The following KCNQ5 variants were observed in gnomAD, a reference collection of about 807,000 sequenced individuals.
KCNQ5 encodes potassium voltage-gated channel subfamily KQT member 5.
Under a neutral mutation model 98.2 loss-of-function variants are expected in KCNQ5, and 30 were observed. The observed-to-expected ratio is 0.31, with a 90% CI of 0.23 to 0.41. The LOEUF (loss-of-function observed/expected upper bound fraction) is 0.41, where lower values mean the gene tolerates loss of function less well. Ranked by LOEUF, KCNQ5 falls within the 10% of genes least tolerant of loss-of-function variation. The pLI, the probability that KCNQ5 is intolerant of heterozygous loss-of-function variation, is 1.00. For synonymous variants in KCNQ5, 458 were observed against 449.4 expected, an observed-to-expected ratio of 1.02 and a Z score of -0.24; for missense variants, 835 against 1,182.5, an observed-to-expected ratio of 0.71 and a Z score of 4.31.
intron 10 of KCNQ5, among the ~76,000 whole-genome samples, chr6:73,167,414 G>A (rs933543826): frequency 6.6e-6 from 1 of 152,164 alleles, no homozygotes; most frequent in African/African-American, 2.4e-5. Context: ...AAAGGGCATG[G>A]GCTTTGGAGC....
chr6:72,803,797 C>CAG (rs1177977452), intron 1 of KCNQ5, among the ~76,000 whole-genome samples: 1 of 152,058 alleles, frequency 6.6e-6, no homozygotes, highest in Non-Finnish European at 1.5e-5. Context: ...AGTGGCTTTT[C>CAG]AGATATTCCC....
intron 1 of KCNQ5, among the ~76,000 whole-genome samples, chr6:72,906,059 G>C (rs1265471929): frequency 6.6e-6 from 1 of 152,108 alleles, no homozygotes; most frequent in Non-Finnish European, 1.5e-5. Flanking sequence ...CTCTCCTTGG[G>C]CAGGTCTTAC....
chr6:73,164,211 G>A (rs1228006090), intron 10 of KCNQ5, among the ~76,000 whole-genome samples: 5 of 151,990 alleles, frequency 3.3e-5, no homozygotes, highest in South Asian at 2.1e-4. Flanking sequence ...AGAACCTACC[G>A]AAGACATTAA....
chr6:73,055,973 G>A (rs950724257), intron 3 of KCNQ5: 1 of 400,868 alleles, frequency 2.5e-6, no homozygotes, highest in African/African-American at 2.1e-5. Flanking sequence ...ATGGGGACCG[G>A]TGGCTCCCAT....
intron 1 of KCNQ5, among the ~76,000 whole-genome samples, chr6:72,913,944 G>T (rs951113320): frequency 1.3e-5 from 2 of 152,198 alleles, no homozygotes; most frequent in African/African-American, 4.8e-5. Context: ...TTAACAAGGC[G>T]TGTTTGTTCA....
At chr6:72,790,771 T>TA (rs1281057611) in intron 1 of KCNQ5, among the ~76,000 whole-genome samples, 1 of 152,072 alleles carries the variant, frequency 6.6e-6, no homozygotes, top group African/African-American at 2.4e-5. Context: ...TAGGGAAAAA[T>TA]AAAGTCATTT....
chr6:73,112,669 T>C (rs765286713), intron 7 of KCNQ5, among the ~76,000 whole-genome samples: 5 of 152,116 alleles, frequency 3.3e-5, no homozygotes, highest in Admixed American at 3.3e-4. Context: ...TTAATTTAGA[T>C]TGTAGGTTTG....
chr6:73,032,175 T>C lies in KCNQ5; in HGVS notation c.490-9761T>C, dbSNP rs531066708. 7.9e-5 allele frequency among the ~76,000 whole-genome samples: 12 copies of C among 152,328 alleles called. 1 individual carries two copies. In the South Asian group the frequency reaches 2.5e-3, roughly 32 times the overall value. Reference sequence around the variant, plus strand: ...GTCAGGATAGCTCTCTAAATAGAAATACTTGTTTGTTTTAAGGAATTTTAT... The same window carrying C: ...GTCAGGATAGCTCTCTAAATAGAAACACTTGTTTGTTTTAAGGAATTTTAT... On this transcript the variant is annotated intron_variant, in intron 2 of 13. Transcript: ENST00000370398.
At chr6:72,705,711 GA>G (rs1180789036) in intron 1 of KCNQ5, among the ~76,000 whole-genome samples, 2 of 151,778 alleles carry the variant, frequency 1.3e-5, no homozygotes, top group Non-Finnish European at 2.9e-5. Context: ...AGGTAGGAAA[GA>G]AAATTTCAAA....
chr6:72,738,045 C>A (rs1042274095), intron 1 of KCNQ5, among the ~76,000 whole-genome samples: 3 of 151,800 alleles, frequency 2.0e-5, no homozygotes, highest in Non-Finnish European at 4.4e-5. Context: ...GTTCCAACTA[C>A]TCAGGAGGCT....
chr6:73,031,141 G>C lies in KCNQ5; in HGVS notation c.490-10795G>C, dbSNP rs10498887. Among the ~76,000 whole-genome samples, 425 of 152,208 alleles carry C rather than the reference G, an allele frequency of 2.8e-3. 5 individuals carry two copies. The highest frequency in any genetic ancestry group is 1.0e-2 in the African/African-American group (415 of 41,514). ...CCCCACAGCTTGTCTTAAGAACAAC[G>C]GTGTAACCATTAGTGAAAAATCCTT... On this transcript the variant is annotated intron_variant, in intron 2 of 13. Coordinates refer to ENST00000370398, the MANE Select transcript of KCNQ5 (RefSeq NM_019842.4).
At chr6:72,692,845 A>G (rs1768279439) in intron 1 of KCNQ5, among the ~76,000 whole-genome samples, 1 of 152,142 alleles carries the variant, frequency 6.6e-6, no homozygotes, top group Non-Finnish European at 1.5e-5. Flanking sequence ...AGGATTTATG[A>G]GACTGGAAAA....
At chr6:72,692,320 G>A (rs938231067) in intron 1 of KCNQ5, among the ~76,000 whole-genome samples, 1 of 152,198 alleles carries the variant, frequency 6.6e-6, no homozygotes, top group Non-Finnish European at 1.5e-5. Flanking sequence ...AACATTCACT[G>A]AGTAAGTCAC....
In KCNQ5 at chr6:73,198,685, G is replaced by A. The variant is rs1204755742; in HGVS notation, c.*3271G>A. Reference sequence around the variant, plus strand: ...ATCTAATCTAATAATGTGCATTTAAGTAAGCAGTTCTAAGTCATGTATGAC... The same window carrying A: ...ATCTAATCTAATAATGTGCATTTAAATAAGCAGTTCTAAGTCATGTATGAC... On this transcript the variant is annotated 3_prime_UTR_variant, in exon 14 of 14. Coordinates refer to ENST00000370398, the MANE Select transcript of KCNQ5 (RefSeq NM_019842.4). 6.6e-6 allele frequency: 1 copy of A among 152,228 alleles called. No homozygotes were observed. Among genetic ancestry groups the A allele is most frequent in the African/African-American group, 2.4e-5 (1 of 41,446 alleles). 9.4% of individuals were successfully genotyped at this position (152,228 alleles called of 1,614,324 possible).
intron 1 of KCNQ5, among the ~76,000 whole-genome samples, chr6:72,871,566 G>T (rs539541178): frequency 6.6e-6 from 1 of 152,120 alleles, no homozygotes; most frequent in African/African-American, 2.4e-5. Context: ...ATAATAACTC[G>T]CTTGTAGTTG....
intron 2 of KCNQ5, among the ~76,000 whole-genome samples, chr6:73,013,460 A>G (rs1333469896): frequency 6.6e-6 from 1 of 152,146 alleles, no homozygotes; most frequent in African/African-American, 2.4e-5. Flanking sequence ...CATTCCAGGG[A>G]CAGTTAAAAG....
At chr6:73,013,399 C>T (rs1031096613) in intron 2 of KCNQ5, among the ~76,000 whole-genome samples, 2 of 152,080 alleles carry the variant, frequency 1.3e-5, no homozygotes, top group African/African-American at 4.8e-5. Context: ...CTGCCATCAC[C>T]CTGGTGATAA....
At chr6:72,995,299 T>C (rs1052123202) in intron 1 of KCNQ5, among the ~76,000 whole-genome samples, 6 of 145,522 alleles carry the variant, frequency 4.1e-5, no homozygotes, top group African/African-American at 1.6e-4. Context: ...ACCCAGGAGG[T>C]GGACTTTGCA....
intron 1 of KCNQ5, among the ~76,000 whole-genome samples, chr6:72,882,884 C>T (rs1490151438): frequency 4.6e-5 from 7 of 152,118 alleles, no homozygotes; most frequent in Non-Finnish European, 7.4e-5. Context: ...CGTGCATCAT[C>T]ATAAGAGCTT....
Sources: gnomAD v4.1 joint callset for allele counts (sites outside exome capture counted in the v4.1 genomes callset) on GRCh38, gnomAD v4.1.1 for gene constraint, MANE v1.5 for transcripts, NCBI Gene and HGNC (gene_info 2026-07-23, HGNC 2026-07-21) for gene names.